Variants in VTI1A observed in about 807,000 individuals in gnomAD.
The protein encoded by VTI1A is vesicle transport through interaction with t-SNAREs 1A, also known as vesicle transport through interaction with t-SNAREs homolog 1A.
In VTI1A, 22 loss-of-function variants were observed where a neutral mutation model predicts 34.9. The observed-to-expected ratio is 0.63, with a 90% CI of 0.45 to 0.90. VTI1A has a LOEUF of 0.90. Among genes scored for constraint, VTI1A ranks in the 40% least tolerant of loss-of-function variants. The pLI, the probability that VTI1A is intolerant of heterozygous loss-of-function variation, is 0.00. For missense variants in VTI1A, 268 were observed against 275.6 expected, an observed-to-expected ratio of 0.97 and a Z score of 0.20; for synonymous variants, 87 against 97.3, an observed-to-expected ratio of 0.89 and a Z score of 0.62.
intron 5 of VTI1A, among the ~76,000 whole-genome samples, chr10:112,627,631 G>A (rs1048126634): frequency 1.7e-4 from 26 of 151,922 alleles, no homozygotes; most frequent in African/African-American, 6.0e-4. Flanking sequence ...GTTTATATGT[G>A]TCAATATATA....
intron 3 of VTI1A, among the ~76,000 whole-genome samples, chr10:112,501,672 C>T (rs937049709): frequency 8.7e-5 from 13 of 149,734 alleles, no homozygotes; most frequent in South Asian, 2.2e-4. Flanking sequence ...CCCCACCTCC[C>T]GCCCTCAGAA....
At chr10:112,550,859 C>G (rs1468048886) in intron 5 of VTI1A, among the ~76,000 whole-genome samples, 1 of 152,120 alleles carries the variant, frequency 6.6e-6, no homozygotes, top group Non-Finnish European at 1.5e-5. Flanking sequence ...GAGTAGTAGT[C>G]CTACCATTAC....
At chr10:112,574,578 C>T (rs1039609672) in intron 5 of VTI1A, among the ~76,000 whole-genome samples, 17 of 152,294 alleles carry the variant, frequency 1.1e-4, no homozygotes, top group South Asian at 4.1e-4. Flanking sequence ...GTCAGTTAAC[C>T]TTTCTGAGCT....
At chr10:112,839,996 G>C in the VTI1A span, among the ~76,000 whole-genome samples, 1 of 152,144 alleles carries the variant, frequency 6.6e-6, no homozygotes, top group Middle Eastern at 3.2e-3. Flanking sequence ...TTGGACAGCT[G>C]TGAGGATAAA....
chr10:112,610,261 A>C (rs1017935317), intron 5 of VTI1A, among the ~76,000 whole-genome samples: 1 of 151,782 alleles, frequency 6.6e-6, no homozygotes, highest in Non-Finnish European at 1.5e-5. Flanking sequence ...GGGTGGCCCC[A>C]GGAGTGTCTG....
chr10:112,772,123 G>A, intron 7 of VTI1A, among the ~76,000 whole-genome samples: 1 of 152,176 alleles, frequency 6.6e-6, no homozygotes, highest in South Asian at 2.1e-4. Flanking sequence ...TTGAAGAACT[G>A]GCAAACTGCT....
chr10:112,503,200 C>T (rs1404870903), intron 3 of VTI1A, among the ~76,000 whole-genome samples: 1 of 151,976 alleles, frequency 6.6e-6, no homozygotes. Context: ...TATGGAACAC[C>T]AGGTCTTATT....
intron 7 of VTI1A, among the ~76,000 whole-genome samples, chr10:112,789,771 T>C (rs1459846528): frequency 1.3e-5 from 2 of 152,142 alleles, no homozygotes; most frequent in Non-Finnish European, 2.9e-5. Flanking sequence ...ATTTCTTCTT[T>C]GTTGAGGCAT....
At chr10:112,704,320 C>G (rs752161301) in intron 7 of VTI1A, among the ~76,000 whole-genome samples, 19 of 152,170 alleles carry the variant, frequency 1.2e-4, no homozygotes, top group Non-Finnish European at 2.2e-4. Context: ...TTCAAATAGT[C>G]TTTTCTAAAT....
downstream of VTI1A, among the ~76,000 whole-genome samples, chr10:112,819,145 G>A (rs1853603558): frequency 6.6e-6 from 1 of 152,182 alleles, no homozygotes; most frequent in South Asian, 2.1e-4. Context: ...CATGGAGTGA[G>A]CTGGAAATTT....
intron 7 of VTI1A, among the ~76,000 whole-genome samples, chr10:112,779,469 A>G (rs1468147903): frequency 6.6e-6 from 1 of 152,182 alleles, no homozygotes; most frequent in East Asian, 1.9e-4. Context: ...TACATAAGAG[A>G]GATTGTCCTC....
chr10:112,828,104 C>T, the VTI1A span, among the ~76,000 whole-genome samples: 4 of 152,026 alleles, frequency 2.6e-5, no homozygotes, highest in Non-Finnish European at 5.9e-5. Context: ...TCAATTAGGT[C>T]GCCGTGGAAA....
intron 5 of VTI1A, among the ~76,000 whole-genome samples, chr10:112,573,749 A>C (rs974950074): frequency 1.3e-5 from 2 of 152,204 alleles, no homozygotes; most frequent in Non-Finnish European, 2.9e-5. Context: ...GGTAGACCCA[A>C]GATCTAGTTG....
At chr10:112,612,706 G>T (rs1276921420) in intron 5 of VTI1A, among the ~76,000 whole-genome samples, 1 of 152,186 alleles carries the variant, frequency 6.6e-6, no homozygotes, top group Admixed American at 6.5e-5. Context: ...TTATAGGCAT[G>T]AGCCACCATG....
At chr10:112,583,389 C>T (rs1042992362) in intron 5 of VTI1A, among the ~76,000 whole-genome samples, 3 of 152,204 alleles carry the variant, frequency 2.0e-5, no homozygotes, top group African/African-American at 7.2e-5. Context: ...TGTATATCCG[C>T]TTTATCAGGA....
At chr10:112,672,504 G>T (rs935843434) in intron 7 of VTI1A, among the ~76,000 whole-genome samples, 7 of 152,178 alleles carry the variant, frequency 4.6e-5, no homozygotes, top group Admixed American at 1.3e-4. Context: ...TCTGTAGACA[G>T]AGTTTAAATA....
intron 7 of VTI1A, among the ~76,000 whole-genome samples, chr10:112,810,771 G>A (rs72824067): frequency 0.013 from 1,985 of 152,298 alleles, 15 homozygotes; most frequent in Non-Finnish European, 0.017. Flanking sequence ...TAGATCTGCT[G>A]TACACAGGAA....
chr10:112,844,560 G>A, the VTI1A span, among the ~76,000 whole-genome samples: 4 of 152,128 alleles, frequency 2.6e-5, no homozygotes, highest in African/African-American at 4.8e-5. Flanking sequence ...CACCACGCCC[G>A]GCTAATTTTC....
At chr10:112,575,984 A>G (rs1315169757) in intron 5 of VTI1A, among the ~76,000 whole-genome samples, 2 of 146,702 alleles carry the variant, frequency 1.4e-5, no homozygotes, top group African/African-American at 5.0e-5. Flanking sequence ...TCTTTTGCCC[A>G]TTCCCACCCT....
Sources: gnomAD v4.1 joint callset for allele counts (sites outside exome capture counted in the v4.1 genomes callset) on GRCh38, gnomAD v4.1.1 for gene constraint, MANE v1.5 for transcripts, NCBI Gene and HGNC (gene_info 2026-07-23, HGNC 2026-07-21) for gene names.